DDX19A: variants seen among roughly 807,000 people sequenced by gnomAD.
DDX19A encodes DEAD-box helicase 19A, also known as ATP-dependent RNA helicase DDX19A.
In DDX19A, 12 loss-of-function variants were observed where a neutral mutation model predicts 60.6. The observed-to-expected ratio is 0.20, with a 90% confidence interval of 0.13 to 0.32. DDX19A has a LOEUF of 0.32. Among genes scored for constraint, DDX19A ranks in the 10% least tolerant of loss-of-function variants. The pLI is 1.00. For synonymous variants in DDX19A, 206 were observed against 218.2 expected (o/e 0.94, Z 0.49); for missense variants, 337 against 600.6 (o/e 0.56, Z 4.59).
chr16:70,347,767 C>G (rs1160215510), intron 1 of DDX19A: 2 of 212,310 alleles, frequency 9.4e-6, no homozygotes, highest in East Asian at 3.4e-4. Flanking sequence ...CTCGGCTCAC[C>G]GCAACCTCCG....
chr16:70,363,737 T>C (rs943196323), intron 5 of DDX19A: 4 of 151,594 alleles, frequency 2.6e-5, no homozygotes, highest in Admixed American at 6.6e-5. Context: ...TATTTATTTA[T>C]TTATTTATTT....
intron 4 of DDX19A, chr16:70,361,004 A>T (rs1964347515): frequency 5.4e-6 from 1 of 185,062 alleles, no homozygotes; most frequent in African/African-American, 2.4e-5. Context: ...TGACCTCCCA[A>T]AGTGCTGAGA....
chr16:70,371,389 G>T lies in DDX19A; in HGVS notation c.1201G>T (p.Val401Leu). 6.2e-7 allele frequency: 1 copy of T among 1,613,328 alleles called. No homozygotes were observed. Among genetic ancestry groups the T allele is most frequent in the Non-Finnish European group, 8.5e-7 (1 of 1,179,706 alleles). The change falls in exon 11 of 12, where the codon GTG becomes TTG. Residue 401 changes from valine to leucine, a missense_variant. By Grantham distance (32) the Val-to-Leu change is conservative. This residue lies in a region of DDX19A where 117 missense variants were observed against 274.3 expected (regional missense o/e 0.43). Transcript: ENST00000302243. ...VCARGIDVEQ[V>L]SVVINFDLPV... Reference sequence around the variant, plus strand: ...TCCTGCAGGCATTGATGTTGAACAAGTGTCTGTCGTCATCAACTTTGATCT... The same window carrying T: ...TCCTGCAGGCATTGATGTTGAACAATTGTCTGTCGTCATCAACTTTGATCT...
At chr16:70,366,435 G>C in intron 8 of DDX19A, 173 bp downstream of exon 8, 1 of 1,242,346 alleles carries the variant, frequency 8.0e-7, no homozygotes, top group Non-Finnish European at 1.1e-6. Context: ...TCCCAACCTG[G>C]GTTGAGAAAG....
intron 4 of DDX19A, among the ~76,000 whole-genome samples, chr16:70,357,270 AATAT>A (rs201123041): frequency 2.6e-4 from 32 of 123,030 alleles, no homozygotes; most frequent in African/African-American, 6.8e-4. Context: ...AAAAAAAAAA[AATAT>A]ATATATATAT....
At chr16:70,362,091 C>CA (rs1172556155) in intron 5 of DDX19A, among the ~76,000 whole-genome samples, 1 of 151,450 alleles carries the variant, frequency 6.6e-6, no homozygotes, top group African/African-American at 2.4e-5. Context: ...AGGAGAATTG[C>CA]TTGAACCCGG....
At chr16:70,370,565 T>C in intron 10 of DDX19A, 180 bp downstream of exon 10, 2 of 1,050,760 alleles carry the variant, frequency 1.9e-6, no homozygotes, top group Non-Finnish European at 2.6e-6. Flanking sequence ...AACTCACACA[T>C]GCCAGGTGCG....
intron 9 of DDX19A, among the ~76,000 whole-genome samples, chr16:70,368,529 C>T (rs189861213): frequency 2.0e-5 from 3 of 152,146 alleles, no homozygotes; most frequent in Admixed American, 1.3e-4. Flanking sequence ...CCATGGCCTC[C>T]CAAAGTACTG....
chr16:70,350,320 C>T (rs1044803303), intron 1 of DDX19A, among the ~76,000 whole-genome samples: 5 of 151,980 alleles, frequency 3.3e-5, no homozygotes, highest in Non-Finnish European at 2.9e-5. Flanking sequence ...CTGAAACTTT[C>T]CCCCCAACCA....
chr16:70,366,596 G>GAA, intron 8 of DDX19A, 28 bp from the exon 9 acceptor site: 1 of 1,613,628 alleles, frequency 6.2e-7, no homozygotes, highest in South Asian at 1.1e-5. Flanking sequence ...GGCCACCTGG[G>GAA]GCCATCTACC....
rs1471994037 is a variant in DDX19A, at chr16:70,347,036, G to A, written c.45G>A (p.Ala15=). 1 of 1,612,390 alleles carries A rather than the reference G, an allele frequency of 6.2e-7. No homozygotes were observed. The highest frequency in any genetic ancestry group is 2.2e-5 in the East Asian group (1 of 44,854). The change falls in exon 1 of 12, where the codon GCG becomes GCA. Residue 15 remains alanine, a synonymous_variant. Transcript: ENST00000302243. ...CCCTGGCGGTGGACGAGCAGGAAGCGGCTGTCAAGTCGGTCAGTAGCTCAG... is the reference window on the plus strand; with the variant it reads ...CCCTGGCGGTGGACGAGCAGGAAGCAGCTGTCAAGTCGGTCAGTAGCTCAG... ...SWALAVDEQE[A]AVKSMTNLQI... is the part of the protein sequence containing the mutation.
chr16:70,371,842 T>A, intron 11 of DDX19A, 83 bp from the exon 12 acceptor site: 1 of 1,609,822 alleles, frequency 6.2e-7, no homozygotes, highest in East Asian at 2.2e-5. Flanking sequence ...ACCCGGAGCC[T>A]TTGGGCCTGA....
intron 2 of DDX19A, among the ~76,000 whole-genome samples, chr16:70,352,474 G>A (rs1964047366): frequency 6.6e-6 from 1 of 151,692 alleles, no homozygotes; most frequent in East Asian, 1.9e-4. Context: ...TAGTGGAGAC[G>A]GGGTTTCACC....
At chr16:70,348,969 G>A (rs898805300) in intron 1 of DDX19A, among the ~76,000 whole-genome samples, 1 of 152,060 alleles carries the variant, frequency 6.6e-6, no homozygotes, top group Admixed American at 6.6e-5. Flanking sequence ...GGAATGGTGA[G>A]TTCAGGTTTG....
intron 2 of DDX19A, among the ~76,000 whole-genome samples, chr16:70,352,653 T>G (rs1159334529): frequency 1.3e-5 from 2 of 150,258 alleles, no homozygotes; most frequent in Non-Finnish European, 3.0e-5. Flanking sequence ...TTTTTTTTTT[T>G]TTGAGATGAA....
intron 9 of DDX19A, 149 bp from the exon 10 acceptor site, chr16:70,370,074 G>A: frequency 9.0e-7 from 1 of 1,114,364 alleles, no homozygotes; most frequent in Non-Finnish European, 1.2e-6. Flanking sequence ...CCTCACACCT[G>A]TACTCCCAGC....
intron 4 of DDX19A, among the ~76,000 whole-genome samples, chr16:70,359,979 C>T (rs1457631924): frequency 2.0e-5 from 3 of 151,954 alleles, no homozygotes; most frequent in African/African-American, 4.8e-5. Flanking sequence ...AAACTGGCTT[C>T]ATCAATTTTC....
chr16:70,360,561 T>TG (rs1024331471), intron 4 of DDX19A, among the ~76,000 whole-genome samples: 3 of 151,886 alleles, frequency 2.0e-5, no homozygotes, highest in African/African-American at 7.3e-5. Flanking sequence ...AGGCCGGTCT[T>TG]GAACGCCTGG....
chr16:70,356,831 C>A (rs1316034602), intron 4 of DDX19A: 22 of 1,211,478 alleles, frequency 1.8e-5, no homozygotes, highest in Non-Finnish European at 2.2e-5. Flanking sequence ...AGTCTTATTT[C>A]TCTTATACTC....
Sources: allele counts gnomAD v4.1 joint callset (sites outside exome capture counted in the v4.1 genomes callset), GRCh38; gene constraint gnomAD v4.1.1; regional missense constraint gnomAD v4.1.1; transcripts MANE v1.5; gene names NCBI Gene and HGNC (gene_info 2026-07-23, HGNC 2026-07-21).